STIM2: variants seen among roughly 807,000 people sequenced by gnomAD.
The protein encoded by STIM2 is stromal interaction molecule 2.
STIM2 carries 31 observed loss-of-function variants against 85.8 expected under a neutral mutation model. That is an observed-to-expected ratio of 0.36 (90% CI 0.27 to 0.49). The LOEUF is 0.49. Ranked by LOEUF, STIM2 falls within the 20% of genes least tolerant of loss-of-function variation. STIM2 has a pLI of 0.98. For missense variants in STIM2, 841 were observed against 927.6 expected (o/e 0.91, Z 1.21); for synonymous variants, 356 against 331.1 (o/e 1.08, Z -0.82).
intron 2 of STIM2, among the ~76,000 whole-genome samples, chr4:26,938,977 G>C (rs1725497947): frequency 6.6e-6 from 1 of 151,936 alleles, no homozygotes. Flanking sequence ...GCTGAAAGAG[G>C]CTCTCTGCAT....
chr4:26,912,078 C>T (rs1334217173), intron 1 of STIM2, among the ~76,000 whole-genome samples: 1 of 152,084 alleles, frequency 6.6e-6, no homozygotes, highest in Non-Finnish European at 1.5e-5. Flanking sequence ...AAAATACTCA[C>T]GTTGAATATT....
At chr4:27,005,066 A>G (rs1728285132) in intron 7 of STIM2, among the ~76,000 whole-genome samples, 1 of 152,254 alleles carries the variant, frequency 6.6e-6, no homozygotes, top group Non-Finnish European at 1.5e-5. Context: ...TACTGCTATT[A>G]AAAGCTTTGC....
chr4:26,916,450 CA>C (rs1724584538), intron 1 of STIM2, among the ~76,000 whole-genome samples: 1 of 152,166 alleles, frequency 6.6e-6, no homozygotes, highest in African/African-American at 2.4e-5. Context: ...GTCTTGTCAC[CA>C]TCCTATTCCA....
chr4:26,908,017 C>T (rs908491340), intron 1 of STIM2, among the ~76,000 whole-genome samples: 3 of 152,144 alleles, frequency 2.0e-5, no homozygotes, highest in Non-Finnish European at 4.4e-5. Context: ...ATTGGTGGGA[C>T]TCTGCTTCTC....
At chr4:26,870,020 C>T (rs570710676) in intron 1 of STIM2, among the ~76,000 whole-genome samples, 1 of 151,668 alleles carries the variant, frequency 6.6e-6, no homozygotes, top group African/African-American at 2.4e-5. Flanking sequence ...CATGGATGAA[C>T]GTGGAGGACA....
chr4:26,966,306 G>GA (rs1027662756), intron 3 of STIM2, among the ~76,000 whole-genome samples: 2 of 152,114 alleles, frequency 1.3e-5, no homozygotes, highest in Non-Finnish European at 2.9e-5. Context: ...TTTGTTTTGG[G>GA]AAAGAGGTGG....
chr4:26,995,800 A>G (rs1429635624), intron 4 of STIM2, among the ~76,000 whole-genome samples: 1 of 152,082 alleles, frequency 6.6e-6, no homozygotes, highest in Non-Finnish European at 1.5e-5. Context: ...AAACTTTTTT[A>G]TTTGATACTG....
intron 3 of STIM2, among the ~76,000 whole-genome samples, chr4:26,978,166 C>T (rs1298551687): frequency 1.9e-4 from 29 of 151,352 alleles, no homozygotes; most frequent in Admixed American, 1.9e-3. Context: ...AGAAATGGGA[C>T]TCTGATACAT....
chr4:26,994,947 G>C (rs951071543), intron 3 of STIM2, among the ~76,000 whole-genome samples: 4 of 152,018 alleles, frequency 2.6e-5, no homozygotes, highest in African/African-American at 9.7e-5. Context: ...AGGAATTTAA[G>C]TTCCATACAA....
At chr4:26,896,133 T>C (rs889719028) in intron 1 of STIM2, among the ~76,000 whole-genome samples, 1 of 152,222 alleles carries the variant, frequency 6.6e-6, no homozygotes, top group Non-Finnish European at 1.5e-5. Flanking sequence ...TGACCACTTG[T>C]TGCTCCTAGG....
At chr4:26,910,447 T>A (rs1318995723) in intron 1 of STIM2, among the ~76,000 whole-genome samples, 1 of 151,882 alleles carries the variant, frequency 6.6e-6, no homozygotes, top group Non-Finnish European at 1.5e-5. Context: ...TTGCCTGAAC[T>A]CCGGAGGCAG....
At position 26,861,364 on chromosome 4, in the gene STIM2, T is replaced by C. The variant is rs1722180014; in HGVS notation, c.146T>C (p.Met49Thr). The stretch of plus-strand genomic sequence containing the variant: ...GCGGCCGGCGATAGCCCGGCGCTCA[T>C]GACAGGTGAGGGGCCGGGGGGCGGC... The change falls in exon 1 of 12, where the codon ATG becomes ACG. Residue 49 changes from methionine to threonine, a missense_variant. Physicochemically the swap from Met to Thr is moderately conservative, Grantham distance 81. Around this residue, in one of 3 missense-constraint regions of STIM2, gnomAD observed 140 missense variants for 117.7 expected, o/e 1.19. Coordinates refer to ENST00000467087, the MANE Select transcript of STIM2 (RefSeq NM_020860.4). 1 of 1,328,046 alleles carries C rather than the reference T, an allele frequency of 7.5e-7. No homozygotes were observed. Among genetic ancestry groups the C allele is most frequent in the Middle Eastern group, 2.9e-4 (1 of 3,476 alleles). 82.3% of individuals were successfully genotyped at this position (1,328,046 alleles called of 1,614,324 possible).
At chr4:26,979,674 C>T in intron 3 of STIM2, among the ~76,000 whole-genome samples, 1 of 151,946 alleles carries the variant, frequency 6.6e-6, no homozygotes, top group East Asian at 1.9e-4. Flanking sequence ...TAAAGGCATC[C>T]AGATAATTAT....
intron 11 of STIM2, among the ~76,000 whole-genome samples, chr4:27,018,730 C>T (rs936907554): frequency 3.3e-5 from 5 of 152,116 alleles, no homozygotes; most frequent in South Asian, 2.1e-4. Context: ...TCACTGGACA[C>T]GGTTGACTCA....
chr4:26,953,990 G>T (rs545593227), intron 2 of STIM2, among the ~76,000 whole-genome samples: 158 of 152,164 alleles, frequency 1.0e-3, no homozygotes, highest in Non-Finnish European at 1.9e-3. Context: ...GATAGCTGTG[G>T]TTATGGATGA....
chr4:26,878,165 T>G (rs1002031024), intron 1 of STIM2, among the ~76,000 whole-genome samples: 1 of 152,196 alleles, frequency 6.6e-6, no homozygotes, highest in Non-Finnish European at 1.5e-5. Flanking sequence ...TGGATTCTTT[T>G]TTATATGTGC....
chr4:26,885,881 GTC>G (rs1723227782), intron 1 of STIM2, among the ~76,000 whole-genome samples: 1 of 91,230 alleles, frequency 1.1e-5, no homozygotes, highest in Non-Finnish European at 2.4e-5. Flanking sequence ...ATATGTATAT[GTC>G]TATTCATGTA....
At chr4:26,874,415 G>A (rs1018095817) in intron 1 of STIM2, 1 of 194,990 alleles carries the variant, frequency 5.1e-6, no homozygotes, top group African/African-American at 2.4e-5. Flanking sequence ...CCGACGCCAA[G>A]TACTGTAAAG....
intron 1 of STIM2, among the ~76,000 whole-genome samples, chr4:26,903,423 A>G (rs894413850): frequency 3.8e-4 from 58 of 152,148 alleles, no homozygotes; most frequent in African/African-American, 1.4e-3. Context: ...ACACGTGCAT[A>G]CTTGTACTTG....
Sources: allele counts gnomAD v4.1 joint callset (sites outside exome capture counted in the v4.1 genomes callset), GRCh38; gene constraint gnomAD v4.1.1; regional missense constraint gnomAD v4.1.1; transcripts MANE v1.5; gene names NCBI Gene and HGNC (gene_info 2026-07-23, HGNC 2026-07-21).